The following ZNF556 variants were observed in gnomAD, a reference collection of about 807,000 sequenced individuals.
ZNF556 encodes the protein zinc finger protein 556.
A neutral mutation model predicts 13.6 loss-of-function variants in ZNF556; 11 were observed. The observed-to-expected ratio is 0.81, with a 90% confidence interval of 0.51 to 1.33. ZNF556 has a LOEUF of 1.33. ZNF556 is among the 40% of genes most tolerant of loss of function. The probability of loss-of-function intolerance (pLI) is 0.00; values close to 1 mark genes in which losing one functional copy is unlikely to be tolerated. For synonymous variants in ZNF556, 229 were observed against 207.8 expected (o/e 1.10, Z -0.88); for missense variants, 633 against 566.2 (o/e 1.12, Z -1.20).
rs772270169 is a variant in ZNF556 at position 2,877,356 on chromosome 19, AT to A, written c.399del (p.Arg134ValfsTer11). The A allele has an allele frequency of 6.2e-7, 1 of 1,614,206 alleles. No homozygotes were observed. ...GRTFRKTRNC[N>X]RHLRKNCCTS... Reference sequence around the variant, plus strand: ...ACCTTCAGAAAGACTCGAAATTGTAATCGTCATCTGCGCAAGAATTGTTGTA... The same window carrying A: ...ACCTTCAGAAAGACTCGAAATTGTAACGTCATCTGCGCAAGAATTGTTGTA... On this transcript the variant is annotated frameshift_variant, in exon 4 of 4. Coordinates refer to ENST00000307635, the MANE Select transcript of ZNF556 (RefSeq NM_024967.3). LOFTEE classifies it low-confidence loss of function (END_TRUNC).
chr19:2,875,834 C>T (rs1159977714), intron 2 of ZNF556, among the ~76,000 whole-genome samples: 3 of 151,968 alleles, frequency 2.0e-5, no homozygotes, highest in East Asian at 2.0e-4. Context: ...CATGGTGGCA[C>T]GCACCTGTAA....
Position 2,878,503 on chromosome 19 carries a change from T to TAAA in ZNF556, c.*186_*188dup. On this transcript the variant is annotated 3_prime_UTR_variant, in exon 4 of 4. Coordinates refer to ENST00000307635, the MANE Select transcript of ZNF556 (RefSeq NM_024967.3). ...GGCTATGGTGAAACCCCGTCTCTAC[T>TAAA]AAAAAAAAAAAAAATACAAAAAATT... 2.0e-5 allele frequency: 8 copies of TAAA among 405,252 alleles called. No homozygotes were observed. The highest frequency in any genetic ancestry group is 4.9e-5 in the East Asian group (1 of 20,490). 25.1% of individuals were successfully genotyped at this position (405,252 alleles called of 1,614,324 possible).
chr19:2,881,791 G>C lies in ZNF556; in HGVS notation c.*3462G>C, dbSNP rs2087906603. On this transcript the variant is annotated 3_prime_UTR_variant, in exon 4 of 4. Transcript: ENST00000307635. Reference sequence around the variant, plus strand: ...TATTTCAAGAACTGCTCATGAGTTAGGAAATAGTGAGCAGTAATACAGAAA... The same window carrying C: ...TATTTCAAGAACTGCTCATGAGTTACGAAATAGTGAGCAGTAATACAGAAA... 2 of 151,778 alleles carry C rather than the reference G, an allele frequency of 1.3e-5. No homozygotes were observed. The highest frequency in any genetic ancestry group is 4.8e-5 in the African/African-American group (2 of 41,316). The allele number at this position is 151,778 out of a possible 1,614,324, so 9.4% of individuals were successfully genotyped here. A position where few individuals can be genotyped will look rare whatever the true frequency, so the allele number is the denominator to read the frequency against.
rs561218684 is a variant in ZNF556 at position 2,877,953 on chromosome 19, A to G, written c.995A>G (p.Lys332Arg). 7 of 1,614,218 alleles carry G rather than the reference A, an allele frequency of 4.3e-6. No individual in the cohort carries two copies. The South Asian group carries it at 7.7e-5, about 18-fold the overall frequency. ...TTCGGTTGGCCCTCATCCTTACACAAACACGCGAGAACGCATGCTAAAAAG... is the reference window on the plus strand; with the variant it reads ...TTCGGTTGGCCCTCATCCTTACACAGACACGCGAGAACGCATGCTAAAAAG... ...KAFGWPSSLH[K>R]HARTHAKKKP... The change falls in exon 4 of 4, where the codon AAA becomes AGA. Residue 332 changes from lysine (K) to arginine (R), a missense_variant. Lys to Arg is a conservative substitution (Grantham distance 26). Coordinates refer to ENST00000307635, the MANE Select transcript of ZNF556 (RefSeq NM_024967.3).
chr19:2,875,982 A>G (rs1413082186), intron 2 of ZNF556, 111 bp from the exon 3 acceptor site: 2 of 961,106 alleles, frequency 2.1e-6, no homozygotes, highest in African/African-American at 1.7e-5. Flanking sequence ...ATAAATAAAT[A>G]GATAAATAAA....
At chr19:2,876,318 G>T in intron 3 of ZNF556, 42 bp downstream of exon 3, 1 of 1,526,798 alleles carries the variant, frequency 6.5e-7, no homozygotes. Flanking sequence ...CGCCAGGCAC[G>T]GTGGCTCATG....
Position 2,867,394 on chromosome 19 carries a change from C to T in ZNF556, c.-28C>T, listed in dbSNP as rs747273451. 8.9e-5 allele frequency: 141 copies of T among 1,579,484 alleles called. No homozygotes were observed. Among genetic ancestry groups the T allele is most frequent in the Non-Finnish European group, 1.2e-4 (136 of 1,163,736 alleles). ...CACCGGCTGCGAGGAGCAGGGAGCT[C>T]CTCAAAGAGCTCAGGAACGGACAGG... On this transcript the variant is annotated 5_prime_UTR_variant, in exon 1 of 4. Coordinates refer to ENST00000307635, the MANE Select transcript of ZNF556 (RefSeq NM_024967.3).
At chr19:2,868,877 C>T (rs1463676589) in intron 1 of ZNF556, among the ~76,000 whole-genome samples, 1 of 150,638 alleles carries the variant, frequency 6.6e-6, no homozygotes, top group African/African-American at 2.5e-5. Flanking sequence ...TGTGGCCACA[C>T]CCAGCTAATT....
rs148970433 is a variant in ZNF556 at position 2,874,182 on chromosome 19, G to A, written c.130+560G>A. On this transcript the variant is annotated intron_variant, in intron 2 of 3. Transcript: ENST00000307635. The stretch of plus-strand genomic sequence containing the variant: ...TGAGGCAGGAGAATTGCTTGAACCC[G>A]GGAGGCAGAGGTTGCAGTGAGCCAA... Among the ~76,000 whole-genome samples the A allele has an allele frequency of 1.0e-3, 159 of 152,088 alleles. 2 individuals carry two copies. The East Asian group carries it at 0.027, about 26-fold the overall frequency.
At position 2,877,397 on chromosome 19, in the gene ZNF556, T is replaced by C. The variant is rs763054460; in HGVS notation, c.439T>C (p.Tyr147His). Residue 147 changes from tyrosine (Y) to histidine (H), a missense_variant, in exon 4 of 4, where the codon TAC becomes CAC. By Grantham distance (83) the Tyr-to-His change is moderately conservative. Transcript: ENST00000307635. ...GAATTGTTGTACTAGTGTAAGACGG[T>C]ACGAATGCAGTCAGTGTGGAAAACT... ...RKNCCTSVRR[Y>H]ECSQCGKLFT... is the part of the protein sequence containing the mutation. 1 of 1,614,198 alleles carries C rather than the reference T, an allele frequency of 6.2e-7. No homozygotes were observed. The highest frequency in any genetic ancestry group is 1.1e-5 in the South Asian group (1 of 91,092).
rs1258598443 is a variant in ZNF556, at chr19:2,883,259, C to G, written c.*4930C>G. ...GTAACATCCCAATGTATTTGTCATC[C>G]TTTAATTAATTTTTATTTTTTTAAT... On this transcript the variant is annotated 3_prime_UTR_variant, in exon 4 of 4. Coordinates refer to ENST00000307635, the MANE Select transcript of ZNF556 (RefSeq NM_024967.3). The G allele has an allele frequency of 6.6e-6, 1 of 152,060 alleles. No individual in the cohort carries two copies. Among genetic ancestry groups the G allele is most frequent in the Non-Finnish European group, 1.5e-5 (1 of 68,002 alleles). The allele number at this position is 152,060 out of a possible 1,614,324, so 9.4% of individuals were successfully genotyped here.
In ZNF556 at chr19:2,882,537, T is replaced by TATA. The variant is rs1331294625; in HGVS notation, c.*4208_*4209insATA. On this transcript the variant is annotated 3_prime_UTR_variant, in exon 4 of 4. Coordinates refer to ENST00000307635, the MANE Select transcript of ZNF556 (RefSeq NM_024967.3). ...TTTATATATATATATATATAGTGTG[T>TATA]GTGTGTGTGTGTGTGTGTGTGTGTG... The TATA allele has an allele frequency of 2.0e-5, 3 of 147,530 alleles. No homozygotes were observed. Among genetic ancestry groups the TATA allele is most frequent in the African/African-American group, 7.8e-5 (3 of 38,272 alleles). 9.1% of individuals were successfully genotyped at this position (147,530 alleles called of 1,614,324 possible). A position where few individuals can be genotyped will look rare whatever the true frequency, so the allele number is the denominator to read the frequency against.
intron 1 of ZNF556, among the ~76,000 whole-genome samples, chr19:2,871,352 A>G (rs977182827): frequency 2.0e-5 from 3 of 152,224 alleles, no homozygotes; most frequent in African/African-American, 7.2e-5. Context: ...AAAAAGAACC[A>G]GATTCCTAGA....
At position 2,880,258 on chromosome 19, in the gene ZNF556, A is replaced by C. The variant is rs2144897140; in HGVS notation, c.*1929A>C. The stretch of plus-strand genomic sequence containing the variant: ...ATGTTTGATTATGTATTATTAAAAC[A>C]AAAGTTTCTGTTTCTGAGAAATATC... On this transcript the variant is annotated 3_prime_UTR_variant, in exon 4 of 4. Transcript: ENST00000307635. 6.6e-6 allele frequency: 1 copy of C among 152,346 alleles called. No homozygotes were observed. Among genetic ancestry groups the C allele is most frequent in the African/African-American group, 2.4e-5 (1 of 41,584 alleles). The allele number at this position is 152,346 out of a possible 1,614,324, so 9.4% of individuals were successfully genotyped here.
intron 1 of ZNF556, among the ~76,000 whole-genome samples, chr19:2,867,712 C>CAAAAAAAAAAAAA (rs377752421): frequency 1.2e-5 from 1 of 85,552 alleles, no homozygotes; most frequent in Non-Finnish European, 2.3e-5. Context: ...ACCCAAAGTA[C>CAAAAAAAAAAAAA]AAAAAACAAA....
intron 1 of ZNF556, among the ~76,000 whole-genome samples, chr19:2,872,226 C>G (rs1277572688): frequency 6.6e-6 from 1 of 151,086 alleles, no homozygotes; most frequent in Non-Finnish European, 1.5e-5. Context: ...CTTCTCTAAA[C>G]TCCCCCGGGG....
chr19:2,882,156 G>A lies in ZNF556; in HGVS notation c.*3827G>A, dbSNP rs4807352. 0.33 allele frequency: 49,899 copies of A among 151,918 alleles called. 10,656 individuals are homozygous for A. The highest frequency in any genetic ancestry group is 0.83 in the East Asian group (4,271 of 5,136). 9.4% of individuals were successfully genotyped at this position (151,918 alleles called of 1,614,324 possible). On this transcript the variant is annotated 3_prime_UTR_variant, in exon 4 of 4. Coordinates refer to ENST00000307635, the MANE Select transcript of ZNF556 (RefSeq NM_024967.3). ...AATAATTATTTCCCTGGCCGGGCGC[G>A]GTGGCTCACGCCTGTAATCCCAGCA...
intron 1 of ZNF556, among the ~76,000 whole-genome samples, chr19:2,868,850 C>G (rs34481718): frequency 0.27 from 41,265 of 151,742 alleles, 7,233 homozygotes; most frequent in East Asian, 0.68. Context: ...TCCCGAATAG[C>G]TGGGATTACA....
Position 2,878,395 on chromosome 19 carries a change from G to A in ZNF556, c.*66G>A, listed in dbSNP as rs1487033256. 1.2e-5 allele frequency: 18 copies of A among 1,534,506 alleles called. No individual in the cohort carries two copies. The highest frequency in any genetic ancestry group is 1.5e-5 in the Non-Finnish European group (17 of 1,130,676). ...AGAAAATTCACAGCAGGAGGGCCGG[G>A]CGCAGTGGCTCACGCCTGTAATCCC... On this transcript the variant is annotated 3_prime_UTR_variant, in exon 4 of 4. Transcript: ENST00000307635.
Sources: allele counts gnomAD v4.1 joint callset (sites outside exome capture counted in the v4.1 genomes callset), GRCh38; gene constraint gnomAD v4.1.1; transcripts MANE v1.5; gene names NCBI Gene and HGNC (gene_info 2026-07-23, HGNC 2026-07-21).